MYRIP: variants seen among roughly 807,000 people sequenced by gnomAD.
MYRIP encodes the protein rab effector MyRIP.
Under a neutral mutation model 98.0 loss-of-function variants are expected in MYRIP, and 49 were observed. The ratio of observed to expected loss-of-function variants is 0.50; its 90% CI spans 0.40 to 0.63. MYRIP has a LOEUF of 0.63. Among genes scored for constraint, MYRIP ranks in the 30% least tolerant of loss-of-function variants. The pLI is 0.00. For synonymous variants in MYRIP, 404 were observed against 409.5 expected (o/e 0.99, Z 0.16); for missense variants, 1,004 against 1,058.2 (o/e 0.95, Z 0.71).
chr3:39,916,273 T>C (rs1214586810), intron 2 of MYRIP, among the ~76,000 whole-genome samples: 1 of 151,868 alleles, frequency 6.6e-6, no homozygotes, highest in African/African-American at 2.4e-5. Context: ...AACTAAGAGG[T>C]AAGACAGTAA....
At chr3:40,034,730 C>T (rs1430526169) in intron 2 of MYRIP, among the ~76,000 whole-genome samples, 1 of 151,600 alleles carries the variant, frequency 6.6e-6, no homozygotes, top group Non-Finnish European at 1.5e-5. Flanking sequence ...TGGGTATATA[C>T]CCAGAGGATT....
At chr3:39,952,106 A>G (rs1945031785) in intron 2 of MYRIP, among the ~76,000 whole-genome samples, 1 of 152,162 alleles carries the variant, frequency 6.6e-6, no homozygotes, top group South Asian at 2.1e-4. Flanking sequence ...TTTTCTCTGT[A>G]GATTTGCCTT....
intron 2 of MYRIP, among the ~76,000 whole-genome samples, chr3:39,905,668 C>T (rs1257691211): frequency 1.3e-5 from 2 of 152,192 alleles, no homozygotes; most frequent in South Asian, 2.1e-4. Flanking sequence ...GGCATTCACC[C>T]GCTGTTCCAA....
At position 40,254,765 on chromosome 3, in the gene MYRIP, A is replaced by AACAT. The variant is rs560627603; in HGVS notation, c.2547+2771_2547+2774dup. Among the ~76,000 whole-genome samples the AACAT allele has an allele frequency of 2.0e-3, 311 of 152,252 alleles. 3 individuals carry two copies. Among genetic ancestry groups the AACAT allele is most frequent in the African/African-American group, 7.0e-3 (292 of 41,544 alleles). On this transcript the variant is annotated intron_variant, in intron 16 of 16. Transcript: ENST00000302541. ...AGATTTATTTTCCTTTCACAAAACC[A>AACAT]ACATACATGTCAAAATTTTGGCAAA...
chr3:39,895,937 G>A (rs1422670162), intron 1 of MYRIP, among the ~76,000 whole-genome samples: 1 of 151,624 alleles, frequency 6.6e-6, no homozygotes, highest in Non-Finnish European at 1.5e-5. Flanking sequence ...GTGTGTGTGT[G>A]CGCGTGCACG....
intron 10 of MYRIP, among the ~76,000 whole-genome samples, chr3:40,195,233 A>G (rs1481642524): frequency 6.6e-6 from 1 of 152,202 alleles, no homozygotes; most frequent in Non-Finnish European, 1.5e-5. Flanking sequence ...AACAATTTAA[A>G]TCAGGAACGT....
chr3:40,150,207 C>T (rs935173406), intron 3 of MYRIP, among the ~76,000 whole-genome samples: 1 of 152,182 alleles, frequency 6.6e-6, no homozygotes, highest in African/African-American at 2.4e-5. Flanking sequence ...TCTCCTGCCT[C>T]AGCCTCCCGA....
intron 2 of MYRIP, among the ~76,000 whole-genome samples, chr3:40,018,247 T>A (rs1300733714): frequency 1.3e-5 from 2 of 152,212 alleles, no homozygotes; most frequent in Non-Finnish European, 2.9e-5. Context: ...CTGCTTATCT[T>A]CAATATCTTC....
At chr3:40,013,378 T>C (rs577403009) in intron 2 of MYRIP, among the ~76,000 whole-genome samples, 1 of 152,342 alleles carries the variant, frequency 6.6e-6, no homozygotes, top group Non-Finnish European at 1.5e-5. Flanking sequence ...AAAGAGATCA[T>C]GGAAGTGTCT....
At chr3:40,213,439 C>T (rs897580404) in intron 11 of MYRIP, among the ~76,000 whole-genome samples, 1 of 152,156 alleles carries the variant, frequency 6.6e-6, no homozygotes, top group African/African-American at 2.4e-5. Flanking sequence ...TAGTGCTGAT[C>T]CCCATCAACA....
intron 1 of MYRIP, among the ~76,000 whole-genome samples, chr3:39,876,412 C>T (rs962834184): frequency 6.6e-6 from 1 of 152,044 alleles, no homozygotes; most frequent in Non-Finnish European, 1.5e-5. Context: ...TTTGCTCATT[C>T]GTTCATGCAG....
intron 3 of MYRIP, among the ~76,000 whole-genome samples, chr3:40,129,970 A>G (rs950246946): frequency 1.3e-5 from 2 of 152,266 alleles, no homozygotes; most frequent in East Asian, 3.8e-4. Flanking sequence ...AAAACTGCTT[A>G]TACAACAAGT....
intron 1 of MYRIP, among the ~76,000 whole-genome samples, chr3:39,893,276 G>A (rs1319614150): frequency 6.6e-6 from 1 of 152,122 alleles, no homozygotes; most frequent in East Asian, 1.9e-4. Flanking sequence ...AGTTTTCCAA[G>A]TCTTTAAATA....
At position 39,915,751 on chromosome 3, in the gene MYRIP, G is replaced by A. The variant is rs1349657866; in HGVS notation, c.110+14825G>A. Among the ~76,000 whole-genome samples the A allele has an allele frequency of 2.5e-5, 3 of 117,806 alleles. No homozygotes were observed. In the East Asian group the frequency reaches 8.0e-4, roughly 31 times the overall value. 77.3% of individuals were successfully genotyped at this position (117,806 alleles called of 152,430 possible). On this transcript the variant is annotated intron_variant, in intron 2 of 16. Coordinates refer to ENST00000302541, the MANE Select transcript of MYRIP (RefSeq NM_015460.4). ...AATCTTCATTATTAGATAGGTCAAT[G>A]CCAGGCCAAAAAAAAAAAATGACAT...
chr3:40,030,927 A>C (rs1340319517), intron 2 of MYRIP, among the ~76,000 whole-genome samples: 1 of 152,096 alleles, frequency 6.6e-6, no homozygotes, highest in Non-Finnish European at 1.5e-5. Flanking sequence ...TATACTAAAA[A>C]CCGCTGAATT....
At position 39,999,592 on chromosome 3, in the gene MYRIP, T is replaced by C. The variant is rs957389309; in HGVS notation, c.111-44458T>C. On this transcript the variant is annotated intron_variant, in intron 2 of 16. Coordinates refer to ENST00000302541, the MANE Select transcript of MYRIP (RefSeq NM_015460.4). The stretch of plus-strand genomic sequence containing the variant: ...ACTGTTGGTGGGACTGTAAACTAGT[T>C]TCAACCATTGTGGAAGTCAGTGTGG... 3.4e-4 allele frequency among the ~76,000 whole-genome samples: 42 copies of C among 124,198 alleles called. No homozygotes were observed. The East Asian group carries it at 0.011, about 33-fold the overall frequency. The allele number at this position is 124,198 out of a possible 152,430, so 81.5% of individuals were successfully genotyped here. A position where few individuals can be genotyped will look rare whatever the true frequency, so the allele number is the denominator to read the frequency against.
At chr3:40,032,188 G>A (rs1466984032) in intron 2 of MYRIP, among the ~76,000 whole-genome samples, 1 of 151,998 alleles carries the variant, frequency 6.6e-6, no homozygotes, top group Non-Finnish European at 1.5e-5. Flanking sequence ...GGTATGTTGT[G>A]TCTTTGTTCT....
chr3:40,082,919 C>G lies in MYRIP; in HGVS notation c.332+38648C>G, dbSNP rs1948510848. Among the ~76,000 whole-genome samples the G allele has an allele frequency of 2.0e-5, 3 of 152,164 alleles. No individual in the cohort carries two copies. The South Asian group carries it at 6.2e-4, about 32-fold the overall frequency. ...TAAAATCAGGTGAAAATCAAGGCTT[C>G]TACCCGTAAAATAGGCCAGAATAAT... On this transcript the variant is annotated intron_variant, in intron 3 of 16. Transcript: ENST00000302541.
intron 2 of MYRIP, among the ~76,000 whole-genome samples, chr3:39,983,797 A>G (rs1042590244): frequency 6.6e-6 from 1 of 152,210 alleles, no homozygotes; most frequent in African/African-American, 2.4e-5. Context: ...ATACTTGAGA[A>G]CATTCACCTT....
Sources: allele counts gnomAD v4.1 joint callset (sites outside exome capture counted in the v4.1 genomes callset), GRCh38; gene constraint gnomAD v4.1.1; transcripts MANE v1.5; gene names NCBI Gene and HGNC (gene_info 2026-07-23, HGNC 2026-07-21).